The following COL17A1 variants were observed in gnomAD, a reference collection of about 807,000 sequenced individuals.
COL17A1 encodes the protein collagen type XVII alpha 1 chain, also known as collagen alpha-1(XVII) chain.
COL17A1 carries 181 observed loss-of-function variants against 218.4 expected under a neutral mutation model. The observed-to-expected ratio is 0.83, with a 90% CI of 0.73 to 0.94. The LOEUF (loss-of-function observed/expected upper bound fraction) is 0.94. Among genes scored for constraint, COL17A1 ranks in the 40% least tolerant of loss-of-function variants. The pLI is 0.00. For missense variants in COL17A1, 1,924 were observed against 1,945.9 expected (o/e 0.99, Z 0.21); for synonymous variants, 721 against 731.0 (o/e 0.99, Z 0.22).
chr10:104,067,820 A>G (rs2086639716), intron 9 of COL17A1, among the ~76,000 whole-genome samples: 1 of 152,138 alleles, frequency 6.6e-6, no homozygotes, highest in Non-Finnish European at 1.5e-5. Context: ...AAGAGAAAAC[A>G]GGGATGACAG....
chr10:104,039,908 G>A, intron 41 of COL17A1, 65 bp downstream of exon 41: 4 of 1,596,502 alleles, frequency 2.5e-6, no homozygotes, highest in Non-Finnish European at 3.4e-6. Flanking sequence ...CAAAGCTCTT[G>A]GGAGGTGAGC....
chr10:104,036,176 G>C (rs921805627), intron 48 of COL17A1, among the ~76,000 whole-genome samples: 6 of 149,314 alleles, frequency 4.0e-5, no homozygotes, highest in Admixed American at 1.3e-4. Flanking sequence ...GGGTGTGTGT[G>C]TATGGAAGTG....
intron 6 of COL17A1, 138 bp from the exon 7 acceptor site, chr10:104,073,383 C>T (rs191922638): frequency 6.5e-4 from 496 of 764,716 alleles, no homozygotes; most frequent in Admixed American, 9.7e-4. Context: ...TTCTGTATAG[C>T]AGTTGCTTAA....
Position 104,077,847 on chromosome 10 carries a change from G to A in COL17A1, c.98-321C>T, listed in dbSNP as rs536127599. ...TTTTAAATAGTAGAAAAGGCTGAGC[G>A]ATGAAAGCTCCTTGAGTCCAGGACC... On this transcript the variant is annotated intron_variant, in intron 3 of 55. Transcript: ENST00000648076. Among the ~76,000 whole-genome samples, 19 of 152,348 alleles carry A rather than the reference G, an allele frequency of 1.2e-4. 1 individual carries two copies. The highest frequency in any genetic ancestry group is 8.3e-4 in the South Asian group (4 of 4,828).
Position 104,068,952 on chromosome 10 carries a change from A to G in COL17A1, c.607+1474T>C, listed in dbSNP as rs543048086. On this transcript the variant is annotated intron_variant, in intron 9 of 55. Transcript: ENST00000648076. Reference sequence around the variant, plus strand: ...GAGAGAAATGATAAGCAAACCCATAATGAGAAAACTGATGTCCATACTGCA... The same window carrying G: ...GAGAGAAATGATAAGCAAACCCATAGTGAGAAAACTGATGTCCATACTGCA... 1.5e-4 allele frequency among the ~76,000 whole-genome samples: 23 copies of G among 152,364 alleles called. No individual in the cohort carries two copies. The South Asian group carries it at 4.8e-3, about 32-fold the overall frequency.
In COL17A1 at chr10:104,060,274, G is replaced by C. The variant is rs760000827; in HGVS notation, c.986C>G (p.Thr329Ser). 6 of 1,614,166 alleles carry C rather than the reference G, an allele frequency of 3.7e-6. No individual in the cohort carries two copies. Among genetic ancestry groups the C allele is most frequent in the Non-Finnish European group, 5.1e-6 (6 of 1,180,038 alleles). ...AAGGTCATCGCTCTGCACACTTGTG[G>C]TGCAGGCTGGGGAGAAAGAAAATGG... is the stretch of plus-strand genomic sequence containing the variant. Reference protein sequence around the residue: ...NTGVSTSAACTTSVQSDDLLH... With the variant: ...NTGVSTSAACSTSVQSDDLLH... Residue 329 changes from threonine (T) to serine (S), a missense_variant, in exon 14 of 56, where the codon ACC becomes AGC. Thr to Ser is a moderately conservative substitution (Grantham distance 58). Transcript: ENST00000648076.
At chr10:104,054,032 T>C (rs1306483405) in intron 21 of COL17A1, 50 bp from the exon 22 acceptor site, 1 of 1,612,900 alleles carries the variant, frequency 6.2e-7, no homozygotes, top group Non-Finnish European at 8.5e-7. Context: ...CCAGAAGCCA[T>C]CAGCTAGGAT....
At chr10:104,051,778 G>C (rs1226528315) in intron 24 of COL17A1, among the ~76,000 whole-genome samples, 1 of 152,198 alleles carries the variant, frequency 6.6e-6, no homozygotes, top group East Asian at 1.9e-4. Context: ...TTTTGAGAAG[G>C]GGCCCATTCT....
rs762808930 is a variant in COL17A1, at chr10:104,033,346, T to C, written c.4186A>G (p.Thr1396Ala). Residue 1396 changes from threonine to alanine, a missense_variant, in exon 53 of 56, where the codon ACT becomes GCT. Thr to Ala is a moderately conservative substitution (Grantham distance 58). Coordinates refer to ENST00000648076, the MANE Select transcript of COL17A1 (RefSeq NM_000494.4). ...GGCTGGCCTGGTGGGCCCTGGACAG[T>C]GTAGGCCATCCCTTGCAGTAGGCCC... ...RQGLLQGMAY[T>A]VQGPPGQPGP... 3 of 1,610,308 alleles carry C rather than the reference T, an allele frequency of 1.9e-6. No individual in the cohort carries two copies. Among genetic ancestry groups the C allele is most frequent in the Non-Finnish European group, 2.5e-6 (3 of 1,178,410 alleles).
chr10:104,036,103 G>T (rs2134571662), intron 48 of COL17A1, among the ~76,000 whole-genome samples: 4 of 618 alleles, frequency 6.5e-3, no homozygotes, highest in Non-Finnish European at 8.2e-3. Flanking sequence ...TGTGTGTATG[G>T]GAGTGTGTGT....
chr10:104,062,114 C>T (rs1025273131), intron 12 of COL17A1, 144 bp downstream of exon 12: 5 of 1,291,800 alleles, frequency 3.9e-6, no homozygotes, highest in Non-Finnish European at 5.5e-6. Flanking sequence ...AGTTAATGAT[C>T]AAGATTGATA....
intron 17 of COL17A1, among the ~76,000 whole-genome samples, chr10:104,056,515 G>A (rs1490897696): frequency 2.0e-5 from 3 of 152,090 alleles, no homozygotes; most frequent in Non-Finnish European, 2.9e-5. Flanking sequence ...TCAGGAGGCG[G>A]AGGTTGCAGT....
Position 104,080,631 on chromosome 10 carries a change from T to A in COL17A1, c.43A>T (p.Thr15Ser). ...ATTCTGATGCTCTTACTTCTCTCAG[T>A]GACTTCAGTTCCATCTCGTTTGTTT... ...KKNKRDGTEVTERIVTETVTT... is the reference protein window; with the variant it reads ...KKNKRDGTEVSERIVTETVTT... Residue 15 changes from threonine to serine, a missense_variant, in exon 2 of 56, where the codon ACT becomes TCT. Coordinates refer to ENST00000648076, the MANE Select transcript of COL17A1 (RefSeq NM_000494.4). The A allele has an allele frequency of 6.2e-7, 1 of 1,613,030 alleles. No homozygotes were observed. The highest frequency in any genetic ancestry group is 8.5e-7 in the Non-Finnish European group (1 of 1,179,956).
At chr10:104,041,651 GC>G in intron 36 of COL17A1, 113 bp from the exon 37 acceptor site, 1 of 863,028 alleles carries the variant, frequency 1.2e-6, no homozygotes, top group Non-Finnish European at 1.9e-6. Context: ...TACCCTCACA[GC>G]CCAGACACCA....
In COL17A1 at chr10:104,041,085, C is replaced by T. The variant is rs1407321412; in HGVS notation, c.2681G>A (p.Gly894Glu). The change falls in exon 39 of 56, where the codon GGA (glycine) becomes GAA (glutamate). Residue 894 changes from glycine (G) to glutamate (E), a missense_variant. Coordinates refer to ENST00000648076, the MANE Select transcript of COL17A1 (RefSeq NM_000494.4). The stretch of plus-strand genomic sequence containing the variant: ...ATTACCTGAGTTGGACAGGAACGAT[C>T]CTGGTGGGCCTGGTGGGCCTGGCAA... ...EGLPGPPGPP[G>E]SFLSNSETFL... 9 of 1,613,952 alleles carry T rather than the reference C, an allele frequency of 5.6e-6. No individual in the cohort carries two copies. In the African/African-American group the frequency reaches 1.2e-4, roughly 22 times the overall value.
chr10:104,040,690 G>T (rs1047700457), intron 39 of COL17A1, among the ~76,000 whole-genome samples: 1 of 152,108 alleles, frequency 6.6e-6, no homozygotes, highest in East Asian at 1.9e-4. Context: ...ACAGGTTCTG[G>T]CCTAATGTTT....
chr10:104,042,643 G>A (rs992114624), intron 35 of COL17A1, among the ~76,000 whole-genome samples, 188 bp from the exon 36 acceptor site: 20 of 152,174 alleles, frequency 1.3e-4, no homozygotes, highest in African/African-American at 4.1e-4. Context: ...GACAGGCACC[G>A]GGACCCCGGG....
chr10:104,039,321 C>T (rs1442379226), intron 43 of COL17A1, 124 bp downstream of exon 43: 20 of 1,186,986 alleles, frequency 1.7e-5, no homozygotes, highest in African/African-American at 3.0e-5. Context: ...TTCCTTCCTC[C>T]AGCCTCTTCT....
At position 104,033,376 on chromosome 10, in the gene COL17A1, C is replaced by A; in HGVS notation, c.4157-1G>T. The A allele has an allele frequency of 6.2e-7, 1 of 1,610,224 alleles. No individual in the cohort carries two copies. On this transcript the variant is annotated splice_acceptor_variant, in intron 52 of 55. Transcript: ENST00000648076. LOFTEE classifies it high-confidence loss of function. ...GCCATCCCTTGCAGTAGGCCCTGAC[C>A]TGTAAAACACCAGAGCTTGGGCACA... is the stretch of plus-strand genomic sequence containing the variant.
Sources: allele counts gnomAD v4.1 joint callset (sites outside exome capture counted in the v4.1 genomes callset), GRCh38; gene constraint gnomAD v4.1.1; transcripts MANE v1.5; gene names NCBI Gene and HGNC (gene_info 2026-07-23, HGNC 2026-07-21).